Variants in MAGI1 observed in about 807,000 individuals in gnomAD.
MAGI1 encodes the protein membrane associated guanylate kinase, WW and PDZ domain containing 1.
In MAGI1, 58 loss-of-function variants were observed where a neutral mutation model predicts 139.9. The observed-to-expected ratio is 0.41, with a 90% CI of 0.34 to 0.52. The LOEUF (loss-of-function observed/expected upper bound fraction) is 0.52, where lower values mean the gene tolerates loss of function less well. Ranked by LOEUF, MAGI1 falls within the 20% of genes least tolerant of loss-of-function variation. MAGI1 has a pLI of 0.12. For synonymous variants in MAGI1, 812 were observed against 737.9 expected (o/e 1.10, Z -1.63); for missense variants, 1,874 against 1,901.6 (o/e 0.99, Z 0.27).
At chr3:65,910,025 T>C (rs1162566547) in intron 1 of MAGI1, among the ~76,000 whole-genome samples, 1 of 152,174 alleles carries the variant, frequency 6.6e-6, no homozygotes, top group Non-Finnish European at 1.5e-5. Flanking sequence ...ACCACTGATC[T>C]GACAGGAGGC....
intron 1 of MAGI1, among the ~76,000 whole-genome samples, chr3:65,835,708 C>G (rs2042768432): frequency 6.6e-6 from 1 of 152,108 alleles, no homozygotes; most frequent in Non-Finnish European, 1.5e-5. Context: ...AACAAGAAAT[C>G]TAAACTATTT....
intron 12 of MAGI1, among the ~76,000 whole-genome samples, chr3:65,423,372 G>A (rs1049914093): frequency 2.7e-5 from 4 of 150,748 alleles, no homozygotes; most frequent in African/African-American, 7.3e-5. Flanking sequence ...ACACACGTGC[G>A]TGCACACACG....
At chr3:65,791,968 T>C (rs2039803395) in intron 1 of MAGI1, among the ~76,000 whole-genome samples, 1 of 152,058 alleles carries the variant, frequency 6.6e-6, no homozygotes, top group Admixed American at 6.6e-5. Context: ...CCAGAAAACA[T>C]TCCAAGAACC....
intron 1 of MAGI1, among the ~76,000 whole-genome samples, chr3:65,762,138 A>G (rs1262373128): frequency 2.0e-5 from 3 of 152,112 alleles, no homozygotes; most frequent in South Asian, 2.1e-4. Context: ...TTCACTAGGT[A>G]TAAGCCACTT....
chr3:65,417,517 CT>C (rs11435185), intron 12 of MAGI1, among the ~76,000 whole-genome samples: 197 of 147,492 alleles, frequency 1.3e-3, no homozygotes, highest in Middle Eastern at 3.5e-3. Flanking sequence ...TATATGGTTT[CT>C]TTTTTTTTTT....
intron 2 of MAGI1, among the ~76,000 whole-genome samples, chr3:65,581,790 C>T (rs983496306): frequency 2.0e-5 from 3 of 152,112 alleles, no homozygotes; most frequent in African/African-American, 7.2e-5. Context: ...TCAGATATAC[C>T]ATATAACTCA....
intron 1 of MAGI1, among the ~76,000 whole-genome samples, chr3:65,657,416 G>A (rs1163164942): frequency 1.4e-5 from 2 of 144,858 alleles, no homozygotes; most frequent in Non-Finnish European, 3.0e-5. Flanking sequence ...GCAAAACAGT[G>A]AGACCCCCAT....
At chr3:65,497,697 G>A (rs998406149) in intron 2 of MAGI1, among the ~76,000 whole-genome samples, 15 of 152,110 alleles carry the variant, frequency 9.9e-5, no homozygotes, top group Non-Finnish European at 2.1e-4. Flanking sequence ...TTTCAATGAT[G>A]TTTTCAGATC....
intron 5 of MAGI1, among the ~76,000 whole-genome samples, chr3:65,461,346 G>C (rs963117021): frequency 3.9e-5 from 6 of 152,080 alleles, no homozygotes; most frequent in East Asian, 3.9e-4. Context: ...CTCCTGAGTA[G>C]CTGGAACTAT....
chr3:65,527,755 A>G (rs1168425560), intron 2 of MAGI1, among the ~76,000 whole-genome samples: 1 of 151,870 alleles, frequency 6.6e-6, no homozygotes, highest in South Asian at 2.1e-4. Flanking sequence ...AAAAATAAAA[A>G]CAAAAATAAA....
intron 1 of MAGI1, among the ~76,000 whole-genome samples, chr3:65,995,399 A>T (rs2066390284): frequency 6.6e-6 from 1 of 152,220 alleles, no homozygotes; most frequent in Admixed American, 6.5e-5. Context: ...AGAAATAATA[A>T]GACAGGTCAA....
intron 10 of MAGI1, among the ~76,000 whole-genome samples, chr3:65,436,365 C>CTAAACACAAATATTTTCTA (rs1469637834): frequency 1.3e-5 from 2 of 152,032 alleles, no homozygotes; most frequent in African/African-American, 2.4e-5. Flanking sequence ...AAAAAGAAAA[C>CTAAACACAAATATTTTCTA]TAAACACAAA....
chr3:66,007,297 C>T (rs1465467001), intron 1 of MAGI1, among the ~76,000 whole-genome samples: 1 of 152,206 alleles, frequency 6.6e-6, no homozygotes, highest in African/African-American at 2.4e-5. Context: ...TTAAGCCCCA[C>T]GGCGATCCTA....
intron 1 of MAGI1, among the ~76,000 whole-genome samples, chr3:65,717,874 C>A (rs1206218666): frequency 3.3e-5 from 5 of 152,136 alleles, no homozygotes; most frequent in Non-Finnish European, 5.9e-5. Flanking sequence ...GCCAAAAGTG[C>A]TGAATCAGCT....
intron 1 of MAGI1, among the ~76,000 whole-genome samples, chr3:65,957,467 G>C (rs2064183222): frequency 7.0e-6 from 1 of 143,696 alleles, no homozygotes. Context: ...GCTGCAATAA[G>C]CCATGATTGC....
At chr3:65,976,140 G>A (rs1175651997) in intron 1 of MAGI1, among the ~76,000 whole-genome samples, 2 of 152,154 alleles carry the variant, frequency 1.3e-5, no homozygotes, top group Non-Finnish European at 2.9e-5. Flanking sequence ...CTCTGCACTG[G>A]TGGTGACTTT....
chr3:65,886,287 A>G (rs1035573774), intron 1 of MAGI1, among the ~76,000 whole-genome samples: 18 of 152,240 alleles, frequency 1.2e-4, no homozygotes, highest in Admixed American at 4.6e-4. Context: ...GTCAAACTGC[A>G]TAAATGGATG....
chr3:65,465,411 T>C (rs952188674), intron 5 of MAGI1, among the ~76,000 whole-genome samples: 6 of 151,920 alleles, frequency 3.9e-5, no homozygotes, highest in Non-Finnish European at 7.4e-5. Context: ...TGGCCATTTA[T>C]TGAGAGTAGG....
chr3:65,818,502 C>G (rs2041749966), intron 1 of MAGI1, among the ~76,000 whole-genome samples: 1 of 152,122 alleles, frequency 6.6e-6, no homozygotes, highest in Admixed American at 6.6e-5. Flanking sequence ...AAGATGCAGC[C>G]CAAACAGTGA....
Sources: allele counts gnomAD v4.1 joint callset (sites outside exome capture counted in the v4.1 genomes callset), GRCh38; gene constraint gnomAD v4.1.1; transcripts MANE v1.5; gene names NCBI Gene and HGNC (gene_info 2026-07-23, HGNC 2026-07-21).